Variants in ELOVL6 observed in about 807,000 individuals in gnomAD.
ELOVL6 encodes very long chain fatty acid elongase 6.
In ELOVL6, 8 loss-of-function variants were observed where a neutral mutation model predicts 31.7. That is an observed-to-expected ratio of 0.25 (90% CI 0.15 to 0.45). The LOEUF (loss-of-function observed/expected upper bound fraction) is 0.45, where lower values mean the gene tolerates loss of function less well. Ranked by LOEUF, ELOVL6 falls within the 20% of genes least tolerant of loss-of-function variation. The pLI is 1.00. For synonymous variants in ELOVL6, 101 were observed against 117.7 expected, an observed-to-expected ratio of 0.86 and a Z score of 0.92; for missense variants, 126 against 326.4, an observed-to-expected ratio of 0.39 and a Z score of 4.73.
chr4:110,087,900 G>C (rs938150084), intron 2 of ELOVL6, among the ~76,000 whole-genome samples: 2 of 151,784 alleles, frequency 1.3e-5, no homozygotes, highest in African/African-American at 2.4e-5. Flanking sequence ...TCAAAAGATG[G>C]TTCATTTTGT....
chr4:110,170,171 A>G (rs1184981660), intron 1 of ELOVL6, among the ~76,000 whole-genome samples: 1 of 152,186 alleles, frequency 6.6e-6, no homozygotes, highest in Non-Finnish European at 1.5e-5. Flanking sequence ...TCCAGCCTTA[A>G]GAACATGCTT....
chr4:110,112,037 T>G (rs1033103703), intron 1 of ELOVL6, among the ~76,000 whole-genome samples: 1 of 152,254 alleles, frequency 6.6e-6, no homozygotes, highest in Non-Finnish European at 1.5e-5. Context: ...AAATCACACA[T>G]ACCCCATCAT....
intron 1 of ELOVL6, among the ~76,000 whole-genome samples, chr4:110,106,200 T>C (rs977785784): frequency 6.6e-6 from 1 of 152,104 alleles, no homozygotes; most frequent in East Asian, 1.9e-4. Context: ...CTGTTAAAAA[T>C]ACAAAATTTA....
chr4:110,164,681 C>T (rs1431168122), intron 1 of ELOVL6, among the ~76,000 whole-genome samples: 1 of 133,562 alleles, frequency 7.5e-6, no homozygotes, highest in East Asian at 2.2e-4. Context: ...GTCAAGGCTA[C>T]AATGAGCCAT....
Position 110,084,218 on chromosome 4 carries a change from CTT to C in ELOVL6, c.221+21277_221+21278del, listed in dbSNP as rs200998477. Among the ~76,000 whole-genome samples, 233 of 60,336 alleles carry C rather than the reference CTT, an allele frequency of 3.9e-3. 6 individuals are homozygous for C. Among genetic ancestry groups the C allele is most frequent in the South Asian group, 0.01 (22 of 2,188 alleles). The allele number at this position is 60,336 out of a possible 152,430, so 39.6% of individuals were successfully genotyped here. ...CTTATATGATATATATAACATATAA[CTT>C]ATATGATATATATAACATATATGAT... On this transcript the variant is annotated intron_variant, in intron 2 of 3. Coordinates refer to ENST00000302274, the MANE Select transcript of ELOVL6 (RefSeq NM_024090.3).
At chr4:110,085,321 A>G (rs1401369633) in intron 2 of ELOVL6, among the ~76,000 whole-genome samples, 2 of 152,234 alleles carry the variant, frequency 1.3e-5, no homozygotes, top group Non-Finnish European at 2.9e-5. Flanking sequence ...GCCAACTGAG[A>G]TAACAACTTC....
At chr4:110,197,153 G>A (rs999557694) in intron 1 of ELOVL6, among the ~76,000 whole-genome samples, 1 of 152,134 alleles carries the variant, frequency 6.6e-6, no homozygotes, top group African/African-American at 2.4e-5. Context: ...GACCCTCCCC[G>A]GTCAAGCCAT....
intron 1 of ELOVL6, among the ~76,000 whole-genome samples, chr4:110,127,422 A>AAAAG (rs1553959445): frequency 1.3e-5 from 2 of 150,928 alleles, no homozygotes; most frequent in Admixed American, 6.6e-5. Context: ...AAAAAAAAAA[A>AAAAG]AAAGAAAAGA....
At chr4:110,060,528 G>A (rs78161576) in intron 2 of ELOVL6, among the ~76,000 whole-genome samples, 2,740 of 151,954 alleles carry the variant, frequency 0.018, 31 homozygotes, top group Non-Finnish European at 0.026. Context: ...TTGAAAAAGT[G>A]AAGAAAAAAT....
At chr4:110,071,200 G>A (rs2126227020) in intron 2 of ELOVL6, among the ~76,000 whole-genome samples, 1 of 152,194 alleles carries the variant, frequency 6.6e-6, no homozygotes, top group Non-Finnish European at 1.5e-5. Flanking sequence ...TCCTTCCTTT[G>A]GGTTCATTAA....
chr4:110,074,583 T>C (rs531121686), intron 2 of ELOVL6, among the ~76,000 whole-genome samples: 4 of 152,196 alleles, frequency 2.6e-5, no homozygotes, highest in African/African-American at 9.6e-5. Flanking sequence ...CAGTAAACTC[T>C]GATAGGAATC....
At chr4:110,071,963 C>T (rs970387753) in intron 2 of ELOVL6, among the ~76,000 whole-genome samples, 7 of 152,168 alleles carry the variant, frequency 4.6e-5, no homozygotes, top group South Asian at 2.1e-4. Context: ...GTGAGAAGGG[C>T]GGAGCCAGCC....
intron 2 of ELOVL6, among the ~76,000 whole-genome samples, chr4:110,086,892 T>C (rs535123081): frequency 1.3e-5 from 2 of 152,202 alleles, no homozygotes; most frequent in Non-Finnish European, 2.9e-5. Flanking sequence ...TCTGAGTTAT[T>C]TGATTATTTT....
intron 1 of ELOVL6, among the ~76,000 whole-genome samples, chr4:110,153,555 G>A (rs1406053865): frequency 6.6e-6 from 1 of 152,090 alleles, no homozygotes; most frequent in Non-Finnish European, 1.5e-5. Flanking sequence ...AAAATGCCAT[G>A]TAAAAAAAAT....
intron 1 of ELOVL6, among the ~76,000 whole-genome samples, chr4:110,195,173 TTAAAAA>T (rs1477875795): frequency 6.6e-6 from 1 of 152,210 alleles, no homozygotes; most frequent in African/African-American, 2.4e-5. Context: ...CTGGATTCTA[TTAAAAA>T]TAAAAACTAA....
intron 2 of ELOVL6, among the ~76,000 whole-genome samples, chr4:110,068,015 T>C (rs1392339085): frequency 6.6e-6 from 1 of 152,208 alleles, no homozygotes; most frequent in Non-Finnish European, 1.5e-5. Flanking sequence ...AGATCTGACA[T>C]GCTAGCTGGA....
chr4:110,099,399 GA>G (rs1244335476), intron 2 of ELOVL6, among the ~76,000 whole-genome samples: 4 of 152,084 alleles, frequency 2.6e-5, no homozygotes, highest in Non-Finnish European at 1.5e-5. Context: ...ATAACAAAAT[GA>G]AAATATAGCC....
At position 110,051,333 on chromosome 4, in the gene ELOVL6, C is replaced by T; in HGVS notation, c.*5G>A. 1 of 1,613,206 alleles carries T rather than the reference C, an allele frequency of 6.2e-7. No individual in the cohort carries two copies. The highest frequency in any genetic ancestry group is 8.5e-7 in the Non-Finnish European group (1 of 1,179,510). On this transcript the variant is annotated 3_prime_UTR_variant, in exon 4 of 4. Transcript: ENST00000302274. This position sits in a 1 kb window ranked among gnomAD's most constrained non-coding sequence, Gnocchi z 4.8. ...TGAGCTATGGCTTCCTCCTCAGTTC[C>T]AACACTATTCAGCTTTCGTTGTTTT...
At chr4:110,097,666 AG>A (rs1451538939) in intron 2 of ELOVL6, among the ~76,000 whole-genome samples, 1 of 152,010 alleles carries the variant, frequency 6.6e-6, no homozygotes, top group Non-Finnish European at 1.5e-5. Context: ...TGTTATTCCT[AG>A]TCTCAGTTAT....
Sources: gnomAD v4.1 joint callset for allele counts (sites outside exome capture counted in the v4.1 genomes callset) on GRCh38, gnomAD v4.1.1 for gene constraint, Gnocchi (gnomAD v3.1) non-coding constraint, MANE v1.5 for transcripts, NCBI Gene and HGNC (gene_info 2026-07-23, HGNC 2026-07-21) for gene names.